Variants in EPC2 observed in about 807,000 individuals in gnomAD.
EPC2 encodes enhancer of polycomb homolog 2.
A neutral mutation model predicts 92.1 loss-of-function variants in EPC2; 14 were observed. The observed-to-expected ratio is 0.15, with a 90% CI of 0.10 to 0.24. The LOEUF is 0.24. Ranked by LOEUF, EPC2 falls within the 10% of genes least tolerant of loss-of-function variation. EPC2 has a pLI of 1.00. For synonymous variants in EPC2, 340 were observed against 334.7 expected (o/e 1.02, Z -0.17); for missense variants, 755 against 971.5 (o/e 0.78, Z 2.96).
chr2:148,715,025 GTTTT>G (rs60115354), intron 2 of EPC2, among the ~76,000 whole-genome samples: 3 of 86,890 alleles, frequency 3.5e-5, no homozygotes, highest in South Asian at 3.6e-4. Flanking sequence ...TTCTTCTAGG[GTTTT>G]TTTTTTTTTT....
At chr2:148,755,186 G>T (rs1683162696) in intron 4 of EPC2, among the ~76,000 whole-genome samples, 1 of 152,118 alleles carries the variant, frequency 6.6e-6, no homozygotes, top group Non-Finnish European at 1.5e-5. Context: ...GATTTCCCAA[G>T]TGTAGATGAC....
chr2:148,773,598 T>TA (rs1169504224), intron 10 of EPC2, among the ~76,000 whole-genome samples: 2 of 152,130 alleles, frequency 1.3e-5, no homozygotes, highest in African/African-American at 4.8e-5. Flanking sequence ...GTGACCCCTC[T>TA]AGTCACTGGG....
In EPC2 at chr2:148,785,669, A is replaced by G. The variant is rs148490845; in HGVS notation, c.2352-636A>G. ...AGTCTGGAAGATGGGAGTTGTTATG[A>G]TTAACTCCATGCCAGAGTTTAGGTT... On this transcript the variant is annotated intron_variant, in intron 13 of 13. Transcript: ENST00000258484. 7.8e-4 allele frequency among the ~76,000 whole-genome samples: 119 copies of G among 152,270 alleles called. 1 individual carries two copies. The East Asian group carries it at 0.02, about 26-fold the overall frequency.
At chr2:148,705,933 C>T (rs1687945) in intron 2 of EPC2, among the ~76,000 whole-genome samples, 3,957 of 152,222 alleles carry the variant, frequency 0.026, 59 homozygotes, top group East Asian at 0.032. Flanking sequence ...AAAACCAGAG[C>T]GCCCCTTCTC....
chr2:148,748,294 G>A (rs753482698), intron 3 of EPC2, among the ~76,000 whole-genome samples: 6 of 151,990 alleles, frequency 3.9e-5, no homozygotes, highest in Non-Finnish European at 5.9e-5. Context: ...TGTACAGCCC[G>A]CAGCACCATG....
rs1681618565 is a variant in EPC2 at position 148,690,361 on chromosome 2, A to G, written c.301A>G (p.Ile101Val). The G allele has an allele frequency of 6.3e-7, 1 of 1,590,768 alleles. No individual in the cohort carries two copies. The highest frequency in any genetic ancestry group is 1.9e-5 in the Admixed American group (1 of 52,830). Residue 101 changes from isoleucine (I) to valine (V), a missense_variant, in exon 2 of 14, where the codon ATT becomes GTT. By Grantham distance (29) the Ile-to-Val change is conservative (BLOSUM62 3). This residue lies in a region of EPC2 where 509 missense variants were observed against 607.7 expected (regional missense o/e 0.84). Transcript: ENST00000258484. ...AGAGTTTAAACAGCCAAAACAGTTC[A>G]TTCATATTCAGCGTAAGTTTGTTAA... ...KGEFKQPKQF[I>V]HIQPFNLDNE...
At chr2:148,727,102 T>C (rs915817107) in intron 2 of EPC2, among the ~76,000 whole-genome samples, 2 of 152,326 alleles carry the variant, frequency 1.3e-5, no homozygotes, top group East Asian at 3.9e-4. Flanking sequence ...GGGTTGATTT[T>C]TAAATATATG....
In EPC2 at chr2:148,771,362, G is replaced by A. The variant is rs758805629; in HGVS notation, c.1695G>A (p.Leu565=). 6.2e-7 allele frequency: 1 copy of A among 1,603,462 alleles called. No homozygotes were observed. Among genetic ancestry groups the A allele is most frequent in the Non-Finnish European group, 8.5e-7 (1 of 1,176,154 alleles). The part of the protein sequence containing the change: ...KRVSAASVAL[L]NTSKNGISVT... ...TTTCTGCAGCATCTGTAGCTTTATTGAACACCAGCAAGAATGGCATATCAG... is the reference window on the plus strand; with the variant it reads ...TTTCTGCAGCATCTGTAGCTTTATTAAACACCAGCAAGAATGGCATATCAG... Residue 565 remains leucine (L), a synonymous_variant, in exon 10 of 14, where the codon TTG becomes TTA. Coordinates refer to ENST00000258484, the MANE Select transcript of EPC2 (RefSeq NM_015630.4).
chr2:148,658,307 T>C (rs1680848516), intron 1 of EPC2, among the ~76,000 whole-genome samples: 1 of 152,088 alleles, frequency 6.6e-6, no homozygotes, highest in Admixed American at 6.6e-5. Flanking sequence ...TTCAGCACCA[T>C]ACTCGGGGGC....
At chr2:148,771,638 A>G (rs1324039948) in intron 10 of EPC2, among the ~76,000 whole-genome samples, 1 of 152,176 alleles carries the variant, frequency 6.6e-6, no homozygotes, top group East Asian at 1.9e-4. Flanking sequence ...CACACTGCTT[A>G]TAAGCTGCCA....
intron 4 of EPC2, among the ~76,000 whole-genome samples, chr2:148,754,909 G>A (rs1432241872): frequency 1.3e-5 from 2 of 152,132 alleles, no homozygotes; most frequent in African/African-American, 4.8e-5. Flanking sequence ...ATAATTAACA[G>A]TTAACACCAC....
chr2:148,655,420 A>G (rs534357471), intron 1 of EPC2, among the ~76,000 whole-genome samples: 101 of 152,350 alleles, frequency 6.6e-4, no homozygotes, highest in African/African-American at 2.3e-3. Context: ...ATCAAAATAA[A>G]CAATTTTTAA....
intron 5 of EPC2, 69 bp downstream of exon 5, chr2:148,761,999 AT>A: frequency 7.6e-7 from 1 of 1,308,768 alleles, no homozygotes; most frequent in Non-Finnish European, 1.0e-6. Context: ...GAACCAAAAG[AT>A]TTTTAGGGGG....
intron 1 of EPC2, among the ~76,000 whole-genome samples, chr2:148,666,456 T>TAA (rs1005930466): frequency 6.6e-6 from 1 of 152,148 alleles, no homozygotes; most frequent in Non-Finnish European, 1.5e-5. Flanking sequence ...AGGACCAATT[T>TAA]AAAAAAAATT....
intron 2 of EPC2, among the ~76,000 whole-genome samples, chr2:148,704,333 G>T (rs1584241): frequency 0.14 from 21,312 of 152,136 alleles, 2,427 homozygotes; most frequent in East Asian, 0.46. Flanking sequence ...ACAGACAGTA[G>T]AATGGTGGTT....
chr2:148,786,012 C>T (rs1278633958), intron 13 of EPC2, among the ~76,000 whole-genome samples: 2 of 151,854 alleles, frequency 1.3e-5, no homozygotes, highest in Non-Finnish European at 2.9e-5. Context: ...CTTGGTTTGT[C>T]CTGTGATACA....
chr2:148,656,001 CTG>C (rs1553537658), intron 1 of EPC2, among the ~76,000 whole-genome samples: 46 of 59,924 alleles, frequency 7.7e-4, no homozygotes, highest in African/African-American at 2.7e-3. Context: ...CTGCTGTTAG[CTG>C]TGTGTGTGTG....
At position 148,787,232 on chromosome 2, in the gene EPC2, A is replaced by G. The variant is rs1461812827; in HGVS notation, c.*855A>G. On this transcript the variant is annotated 3_prime_UTR_variant, in exon 14 of 14. Transcript: ENST00000258484. ...ATAAAAGATACTTTACCAGGTATGT[A>G]TTGCATTATATCATTGCAATAATTA... is the stretch of plus-strand genomic sequence containing the variant. 6.7e-6 allele frequency: 1 copy of G among 149,878 alleles called. No individual in the cohort carries two copies. Among genetic ancestry groups the G allele is most frequent in the Non-Finnish European group, 1.5e-5 (1 of 67,464 alleles). 9.3% of individuals were successfully genotyped at this position (149,878 alleles called of 1,614,324 possible).
chr2:148,758,030 T>C (rs1014439306), intron 4 of EPC2, among the ~76,000 whole-genome samples: 1 of 152,124 alleles, frequency 6.6e-6, no homozygotes, highest in Non-Finnish European at 1.5e-5. Context: ...GTTGGAGCCA[T>C]GTCAGAAGGA....
Sources: allele counts gnomAD v4.1 joint callset (sites outside exome capture counted in the v4.1 genomes callset), GRCh38; gene constraint gnomAD v4.1.1; regional missense constraint gnomAD v4.1.1; transcripts MANE v1.5; gene names NCBI Gene and HGNC (gene_info 2026-07-23, HGNC 2026-07-21).